The following KLHL18 variants were observed in gnomAD, a reference collection of about 807,000 sequenced individuals.
KLHL18 encodes kelch-like protein 18.
A neutral mutation model predicts 58.5 loss-of-function variants in KLHL18; 38 were observed. The ratio of observed to expected loss-of-function variants is 0.65; its 90% CI spans 0.50 to 0.85. KLHL18 has a LOEUF of 0.85. KLHL18 is among the 40% of genes least tolerant of loss of function. KLHL18 has a pLI of 0.00. For missense variants in KLHL18, 624 were observed against 778.4 expected, an observed-to-expected ratio of 0.80 and a Z score of 2.36; for synonymous variants, 303 against 301.9, an observed-to-expected ratio of 1.00 and a Z score of -0.04.
At position 47,343,745 on chromosome 3, in the gene KLHL18, T is replaced by C. The variant is rs1486230341; in HGVS notation, c.1529T>C (p.Met510Thr). 1.9e-6 allele frequency: 3 copies of C among 1,614,092 alleles called. No homozygotes were observed. The highest frequency in any genetic ancestry group is 2.5e-6 in the Non-Finnish European group (3 of 1,180,048). The change falls in exon 10 of 10, where the codon ATG (methionine) becomes ACG (threonine). Residue 510 changes from methionine to threonine, a missense_variant. Physicochemically the swap from Met to Thr is moderately conservative, Grantham distance 81. Coordinates refer to ENST00000232766, the MANE Select transcript of KLHL18 (RefSeq NM_025010.5). ...GACCAGTGGTGCCTGATTGTCCCCA[T>C]GCACACGCGCAGGAGCCGGGTCTCC... The part of the protein sequence containing the change: ...VADQWCLIVP[M>T]HTRRSRVSLV...
At chr3:47,283,683 C>T (rs2107561374) in intron 1 of KLHL18, among the ~76,000 whole-genome samples, 1 of 152,010 alleles carries the variant, frequency 6.6e-6, no homozygotes, top group South Asian at 2.1e-4. Context: ...GGGGCTGGGC[C>T]TGCTGGCCGC....
intron 8 of KLHL18, among the ~76,000 whole-genome samples, chr3:47,341,896 TAA>T (rs10586716): frequency 0.5 from 62,405 of 125,418 alleles, 16,155 homozygotes; most frequent in Non-Finnish European, 0.6. Flanking sequence ...CTGTCTCTTT[TAA>T]AAAAAAAAAA....
rs1190763762 is a variant in KLHL18, at chr3:47,344,753, A to G, written c.*812A>G. ...TCTATGTTTAAATGGAAAATCGTCT[A>G]ACTGGAGAAGGGCGGTATCCACCCC... On this transcript the variant is annotated 3_prime_UTR_variant, in exon 10 of 10. Coordinates refer to ENST00000232766, the MANE Select transcript of KLHL18 (RefSeq NM_025010.5). 6.6e-6 allele frequency: 1 copy of G among 152,668 alleles called. No individual in the cohort carries two copies. The highest frequency in any genetic ancestry group is 1.5e-5 in the Non-Finnish European group (1 of 68,050). 9.5% of individuals were successfully genotyped at this position (152,668 alleles called of 1,614,324 possible).
At chr3:47,284,831 T>G (rs1166933492) in intron 1 of KLHL18, among the ~76,000 whole-genome samples, 1 of 152,044 alleles carries the variant, frequency 6.6e-6, no homozygotes, top group Non-Finnish European at 1.5e-5. Flanking sequence ...TTATTTTTAT[T>G]TTTTTGAGAC....
chr3:47,297,915 C>T (rs528013449), intron 1 of KLHL18, among the ~76,000 whole-genome samples: 1 of 152,268 alleles, frequency 6.6e-6, no homozygotes, highest in South Asian at 2.1e-4. Flanking sequence ...AGAGAGCTGA[C>T]TGCCTGGAAG....
chr3:47,283,097 A>G lies in KLHL18; in HGVS notation c.129+3A>G, dbSNP rs375535575. 3.9e-5 allele frequency: 61 copies of G among 1,573,938 alleles called. No individual in the cohort carries two copies. The African/African-American group carries it at 6.9e-4, about 18-fold the overall frequency. ...AGCTGTGCGACGTGACCCTCAAGGTACCGCGGACTGGGCGGCAGCGGGCTG... is the reference window on the plus strand; with the variant it reads ...AGCTGTGCGACGTGACCCTCAAGGTGCCGCGGACTGGGCGGCAGCGGGCTG... On this transcript the variant is annotated splice_donor_region_variant and intron_variant, in intron 1 of 9. Transcript: ENST00000232766.
intron 1 of KLHL18, among the ~76,000 whole-genome samples, chr3:47,316,477 A>G (rs571359398): frequency 3.5e-4 from 6 of 17,090 alleles, no homozygotes; most frequent in Non-Finnish European, 8.5e-4. Flanking sequence ...ATATATGTAT[A>G]TATATACATA....
At chr3:47,305,216 G>C (rs1703115687) in intron 1 of KLHL18, among the ~76,000 whole-genome samples, 1 of 151,724 alleles carries the variant, frequency 6.6e-6, no homozygotes, top group Non-Finnish European at 1.5e-5. Flanking sequence ...TGAGCGTTCA[G>C]TGTTTTACTA....
chr3:47,328,483 T>A (rs1286194740), intron 3 of KLHL18, among the ~76,000 whole-genome samples: 4 of 152,104 alleles, frequency 2.6e-5, no homozygotes, highest in Non-Finnish European at 4.4e-5. Flanking sequence ...TTCTTTCAGG[T>A]GAGCAAATTA....
rs1704088160 is a variant in KLHL18, at chr3:47,340,637, C to T, written c.1187C>T (p.Ser396Phe). The T allele has an allele frequency of 6.2e-7, 1 of 1,613,970 alleles. No homozygotes were observed. The change falls in exon 8 of 10, where the codon TCC becomes TTC. Residue 396 changes from serine to phenylalanine, a missense_variant. Ser to Phe is a radical substitution (Grantham distance 155). Transcript: ENST00000232766. ...TGTGGGGGCTACGATGGCAACTCTT[C>T]CCTCAGCTCCGTGGAGACCTACTCA... ...YVCGGYDGNS[S>F]LSSVETYSPE... is the part of the protein sequence containing the mutation.
At chr3:47,314,727 A>G (rs1261665918) in intron 1 of KLHL18, among the ~76,000 whole-genome samples, 1 of 152,194 alleles carries the variant, frequency 6.6e-6, no homozygotes, top group East Asian at 1.9e-4. Flanking sequence ...AGGATTTGAC[A>G]ACAACTATCA....
At chr3:47,339,881 G>A (rs1704070271) in intron 7 of KLHL18, among the ~76,000 whole-genome samples, 1 of 151,240 alleles carries the variant, frequency 6.6e-6, no homozygotes, top group Non-Finnish European at 1.5e-5. Context: ...GCAAGACCCT[G>A]TCTCAAAAAA....
intron 1 of KLHL18, among the ~76,000 whole-genome samples, chr3:47,304,362 T>C (rs1703091104): frequency 6.6e-6 from 1 of 151,828 alleles, no homozygotes; most frequent in African/African-American, 2.4e-5. Context: ...ATTAGCTGGG[T>C]ATGGTGGTGC....
At chr3:47,321,302 C>G (rs1397254966) in intron 2 of KLHL18, among the ~76,000 whole-genome samples, 4 of 151,032 alleles carry the variant, frequency 2.6e-5, no homozygotes, top group Non-Finnish European at 1.5e-5. Context: ...CCATGAGTAG[C>G]TAGGATTACA....
chr3:47,295,393 T>C (rs1276877725), intron 1 of KLHL18, among the ~76,000 whole-genome samples: 1 of 152,202 alleles, frequency 6.6e-6, no homozygotes. Flanking sequence ...TGGCCATCTC[T>C]CCATGACTGT....
chr3:47,285,924 T>C (rs1430511552), intron 1 of KLHL18, among the ~76,000 whole-genome samples: 1 of 151,900 alleles, frequency 6.6e-6, no homozygotes, highest in Non-Finnish European at 1.5e-5. Flanking sequence ...TAGTCTTTCT[T>C]AGCTGCTCAG....
chr3:47,343,899 G>A lies in KLHL18; in HGVS notation c.1683G>A (p.Glu561=), dbSNP rs148682976. 30,465 of 1,614,126 alleles carry A rather than the reference G, an allele frequency of 0.019. 362 individuals are homozygous for A. Among genetic ancestry groups the A allele is most frequent in the Non-Finnish European group, 0.022 (26,385 of 1,180,006 alleles). The change falls in exon 10 of 10, where the codon GAG becomes GAA. Residue 561 remains glutamate, a synonymous_variant. Coordinates refer to ENST00000232766, the MANE Select transcript of KLHL18 (RefSeq NM_025010.5). ...WTFMAPMACH[E]GGVGVGCIPL... ...TCATGGCCCCCATGGCGTGCCATGAGGGAGGGGTCGGTGTGGGCTGCATCC... is the reference window on the plus strand; with the variant it reads ...TCATGGCCCCCATGGCGTGCCATGAAGGAGGGGTCGGTGTGGGCTGCATCC...
intron 1 of KLHL18, among the ~76,000 whole-genome samples, chr3:47,303,328 T>TA (rs1160896979): frequency 6.6e-6 from 1 of 152,208 alleles, no homozygotes; most frequent in Admixed American, 6.5e-5. Flanking sequence ...CACCCTGATT[T>TA]AGAGGCTGAG....
At position 47,319,534 on chromosome 3, in the gene KLHL18, T is replaced by TGCAGTGG. The variant is rs1193269823; in HGVS notation, c.130-110_130-104dup. 17 of 1,087,182 alleles carry TGCAGTGG rather than the reference T, an allele frequency of 1.6e-5. No individual in the cohort carries two copies. The African/African-American group carries it at 2.2e-4, about 14-fold the overall frequency. The allele number at this position is 1,087,182 out of a possible 1,614,324, so 67.3% of individuals were successfully genotyped here. On this transcript the variant is annotated intron_variant, in intron 1 of 9. Coordinates refer to ENST00000232766, the MANE Select transcript of KLHL18 (RefSeq NM_025010.5). ...TGCCCTGGGATGCCTTCACCGCCTT[T>TGCAGTGG]GCAGTGGGCAGTGGGGTATGCTGTG...
Sources: gnomAD v4.1 joint callset for allele counts (sites outside exome capture counted in the v4.1 genomes callset) on GRCh38, gnomAD v4.1.1 for gene constraint, MANE v1.5 for transcripts, NCBI Gene and HGNC (gene_info 2026-07-23, HGNC 2026-07-21) for gene names.